Variants in KSR2 observed in about 807,000 individuals in gnomAD.
KSR2 encodes kinase suppressor of ras 2.
In KSR2, 25 loss-of-function variants were observed where a neutral mutation model predicts 107.8. That is an observed-to-expected ratio of 0.23 (90% CI 0.17 to 0.32). The LOEUF is 0.32. KSR2 is among the 10% of genes least tolerant of loss of function. The pLI, the probability that KSR2 is intolerant of heterozygous loss-of-function variation, is 1.00. For synonymous variants in KSR2, 480 were observed against 507.0 expected (o/e 0.95, Z 0.71); for missense variants, 887 against 1,268.9 (o/e 0.70, Z 4.57).
intron 4 of KSR2, among the ~76,000 whole-genome samples, chr12:117,714,683 C>T (rs1886911222): frequency 6.6e-6 from 1 of 152,194 alleles, no homozygotes. Flanking sequence ...TGCCTCACGA[C>T]TCACAAAGTC....
intron 6 of KSR2, 95 bp from the exon 7 acceptor site, chr12:117,579,297 C>T (rs1443432171): frequency 2.8e-5 from 24 of 852,258 alleles, no homozygotes; most frequent in East Asian, 2.6e-4. Flanking sequence ...GCACATGAAC[C>T]CTGGATTCCA....
intron 1 of KSR2, among the ~76,000 whole-genome samples, chr12:117,865,128 T>C (rs1893430010): frequency 6.6e-6 from 1 of 152,170 alleles, no homozygotes; most frequent in Admixed American, 6.6e-5. Context: ...TTTAAATTAC[T>C]AAACATTCTT....
chr12:117,696,663 C>T (rs1886072032), intron 4 of KSR2, among the ~76,000 whole-genome samples: 2 of 152,166 alleles, frequency 1.3e-5, no homozygotes, highest in African/African-American at 4.8e-5. Context: ...TAGTGCCATT[C>T]TCCCAAAGGG....
chr12:117,898,397 T>A (rs1894580336), intron 1 of KSR2, among the ~76,000 whole-genome samples: 2 of 151,500 alleles, frequency 1.3e-5, no homozygotes, highest in African/African-American at 4.9e-5. Context: ...AGTGGTACAA[T>A]CTCAGAACAC....
chr12:117,966,621 A>ATG (rs1566104084), intron 1 of KSR2, among the ~76,000 whole-genome samples: 1 of 128,614 alleles, frequency 7.8e-6, no homozygotes, highest in African/African-American at 2.9e-5. Flanking sequence ...TCACACGCGC[A>ATG]CGCACACACA....
intron 5 of KSR2, among the ~76,000 whole-genome samples, chr12:117,612,513 G>A (rs1881662769): frequency 6.6e-6 from 1 of 152,128 alleles, no homozygotes; most frequent in Admixed American, 6.5e-5. Context: ...CTTCTTGCCA[G>A]AAAGTTTCCT....
At chr12:117,546,104 C>G (rs910495710) in intron 9 of KSR2, among the ~76,000 whole-genome samples, 3 of 152,136 alleles carry the variant, frequency 2.0e-5, no homozygotes, top group Middle Eastern at 3.2e-3. Flanking sequence ...TTCTTTATTA[C>G]TTCTTTTCTG....
At chr12:117,470,215 T>TCCAC (rs768109436) in intron 18 of KSR2, among the ~76,000 whole-genome samples, 7 of 150,222 alleles carry the variant, frequency 4.7e-5, no homozygotes. Flanking sequence ...CATCCATCCA[T>TCCAC]CCATCCATCC....
chr12:117,508,512 G>C (rs768251836), intron 14 of KSR2, among the ~76,000 whole-genome samples: 3 of 152,150 alleles, frequency 2.0e-5, no homozygotes, highest in Non-Finnish European at 4.4e-5. Flanking sequence ...AACATGGATG[G>C]ATGGATTGAT....
intron 1 of KSR2, among the ~76,000 whole-genome samples, chr12:117,925,918 T>C (rs1250158212): frequency 6.6e-6 from 1 of 152,108 alleles, no homozygotes; most frequent in African/African-American, 2.4e-5. Context: ...AGGTCTGGAA[T>C]CAAACAACAG....
intron 4 of KSR2, among the ~76,000 whole-genome samples, chr12:117,739,410 C>T (rs539239554): frequency 6.6e-6 from 1 of 152,282 alleles, no homozygotes; most frequent in South Asian, 2.1e-4. Context: ...AATGTTATGA[C>T]AGCTACAGCA....
chr12:117,471,403 C>T, intron 17 of KSR2, 83 bp from the exon 18 acceptor site: 2 of 1,460,658 alleles, frequency 1.4e-6, no homozygotes, highest in Non-Finnish European at 9.3e-7. Context: ...CACACCCACC[C>T]AGCCAGTCTC....
chr12:117,623,272 T>C lies in KSR2; in HGVS notation c.1172-40913A>G, dbSNP rs951719630. ...TATACTTTAAGTTCTAGGGTACATG[T>C]GCACAACATGCAGGTTTGATACATA... On this transcript the variant is annotated intron_variant, in intron 5 of 19. Coordinates refer to ENST00000339824, the MANE Select transcript of KSR2 (RefSeq NM_173598.6). 1.3e-3 allele frequency among the ~76,000 whole-genome samples: 196 copies of C among 152,362 alleles called. 1 individual carries two copies. The highest frequency in any genetic ancestry group is 4.6e-3 in the African/African-American group (191 of 41,582).
intron 4 of KSR2, among the ~76,000 whole-genome samples, chr12:117,669,917 G>C (rs1004951429): frequency 6.6e-6 from 1 of 151,618 alleles, no homozygotes; most frequent in African/African-American, 2.4e-5. Flanking sequence ...TAAAGAAAGT[G>C]AGGGGCTTAG....
rs190409953 is a variant in KSR2, at chr12:117,650,643, T to C, written c.1171+16831A>G. On this transcript the variant is annotated intron_variant, in intron 5 of 19. Coordinates refer to ENST00000339824, the MANE Select transcript of KSR2 (RefSeq NM_173598.6). ...GAGAATTATGCAAAATAAATGCATT[T>C]GAGACTCCTGATTCACTGCTTATGA... Among the ~76,000 whole-genome samples the C allele has an allele frequency of 2.0e-5, 3 of 152,360 alleles. No homozygotes were observed. The East Asian group carries it at 5.8e-4, about 29-fold the overall frequency.
intron 4 of KSR2, among the ~76,000 whole-genome samples, chr12:117,747,968 T>C (rs1410056267): frequency 6.6e-6 from 1 of 152,156 alleles, no homozygotes; most frequent in Non-Finnish European, 1.5e-5. Flanking sequence ...TCCAAAGCAA[T>C]TGAAATCAGT....
At chr12:117,732,007 C>T (rs375813195) in intron 4 of KSR2, among the ~76,000 whole-genome samples, 303 of 146,946 alleles carry the variant, frequency 2.1e-3, no homozygotes, top group Admixed American at 5.3e-3. Flanking sequence ...TCCCCCTCTC[C>T]GAGAAACACC....
rs77278092 is a variant in KSR2 at position 117,823,241 on chromosome 12, C to T, written c.472+32187G>A. Among the ~76,000 whole-genome samples, 798 of 151,966 alleles carry T rather than the reference C, an allele frequency of 5.3e-3. 59 individuals are homozygous for T. The East Asian group carries it at 0.13, about 24-fold the overall frequency. On this transcript the variant is annotated intron_variant, in intron 3 of 19. Coordinates refer to ENST00000339824, the MANE Select transcript of KSR2 (RefSeq NM_173598.6). ...TGGAGGGTCTCCAGCAAGAGTCACA[C>T]GATTTGCTTTGGGATTTTAAGAGAT...
intron 4 of KSR2, among the ~76,000 whole-genome samples, chr12:117,711,179 A>G (rs1462930057): frequency 6.6e-6 from 1 of 152,248 alleles, no homozygotes; most frequent in Non-Finnish European, 1.5e-5. Flanking sequence ...CAAGAGGGCA[A>G]AGACATGAGA....
Sources: gnomAD v4.1 joint callset for allele counts (sites outside exome capture counted in the v4.1 genomes callset) on GRCh38, gnomAD v4.1.1 for gene constraint, MANE v1.5 for transcripts, NCBI Gene and HGNC (gene_info 2026-07-23, HGNC 2026-07-21) for gene names.